Variants in DMD observed in about 807,000 individuals in gnomAD.
DMD encodes the protein mutant dystrophin.
Under a neutral mutation model 330.1 loss-of-function variants are expected in DMD, and 63 were observed. The ratio of observed to expected loss-of-function variants is 0.19; its 90% confidence interval spans 0.16 to 0.24. DMD has a LOEUF of 0.24. Ranked by LOEUF, DMD falls within the 10% of genes least tolerant of loss-of-function variation. The probability of loss-of-function intolerance (pLI) is 1.00; values close to 1 mark genes in which losing one functional copy is unlikely to be tolerated. For synonymous variants in DMD, 1,223 were observed against 959.8 expected, an observed-to-expected ratio of 1.27 and a Z score of -5.07; for missense variants, 3,344 against 2,684.1, an observed-to-expected ratio of 1.25 and a Z score of -5.43.
intron 7 of DMD, among the ~76,000 whole-genome samples, chrX:32,768,456 C>A (rs2073246480): frequency 8.9e-6 from 1 of 112,065 alleles, no homozygotes; most frequent in African/African-American, 3.2e-5. Context: ...TCTGATCTAA[C>A]ACAAATTGAA....
At chrX:32,415,635 TG>T (rs2098163494) in intron 29 of DMD, among the ~76,000 whole-genome samples, 1 of 112,342 alleles carries the variant, frequency 8.9e-6, no homozygotes, top group South Asian at 3.6e-4. Flanking sequence ...GTTCCGCTGT[TG>T]TTTTAAAATG....
chrX:31,239,254 T>G (rs912130390), intron 63 of DMD, among the ~76,000 whole-genome samples: 14 of 112,272 alleles, frequency 1.2e-4, no homozygotes, highest in African/African-American at 3.9e-4. Context: ...GCTGAGAAAT[T>G]TAATGGTTAC....
At chrX:31,259,596 C>T (rs2050308581) in intron 63 of DMD, among the ~76,000 whole-genome samples, 1 of 111,822 alleles carries the variant, frequency 8.9e-6, no homozygotes, top group Non-Finnish European at 1.9e-5. Context: ...TAATATTACT[C>T]GAAATGTATT....
At chrX:31,276,167 G>A (rs1016633155) in intron 62 of DMD, among the ~76,000 whole-genome samples, 2 of 111,403 alleles carry the variant, frequency 1.8e-5, no homozygotes, top group African/African-American at 6.5e-5. Flanking sequence ...AGCAATTCTC[G>A]TGCCTCAGCC....
At chrX:32,396,613 C>CT (rs201693489) in intron 30 of DMD, among the ~76,000 whole-genome samples, 7,069 of 109,656 alleles carry the variant, frequency 0.064, 227 homozygotes, top group Non-Finnish European at 0.099. Context: ...TATCCTTTTG[C>CT]TTTTTTTTGC....
At chrX:32,749,630 C>CA (rs1569507734) in intron 7 of DMD, among the ~76,000 whole-genome samples, 1 of 112,572 alleles carries the variant, frequency 8.9e-6, no homozygotes, top group Non-Finnish European at 1.9e-5. Context: ...TTCAATATTT[C>CA]AAGTTCTTAA....
chrX:31,126,740 A>C, intron 77 of DMD, 67 bp from the exon 78 acceptor site: 1 of 825,432 alleles, frequency 1.2e-6, no homozygotes, highest in Non-Finnish European at 1.8e-6. Context: ...ATAAATATAC[A>C]ATTTCATACC....
intron 3 of DMD, among the ~76,000 whole-genome samples, chrX:32,847,771 A>T (rs766440616): frequency 1.8e-5 from 2 of 112,034 alleles, no homozygotes; most frequent in Non-Finnish European, 3.8e-5. Flanking sequence ...AATCTCATGG[A>T]TATTTTGTTT....
At chrX:31,668,506 A>G (rs1335039320) in intron 53 of DMD, among the ~76,000 whole-genome samples, 3 of 111,128 alleles carry the variant, frequency 2.7e-5, no homozygotes, top group Admixed American at 9.6e-5. Context: ...ATAATTATAT[A>G]CATTTATGGG....
intron 1 of DMD, among the ~76,000 whole-genome samples, chrX:33,068,582 T>C (rs994213916): frequency 3.6e-5 from 4 of 112,524 alleles, no homozygotes; most frequent in Non-Finnish European, 5.6e-5. Flanking sequence ...TGCGTAGATA[T>C]GTGCTTATGT....
intron 7 of DMD, among the ~76,000 whole-genome samples, chrX:32,778,177 G>A (rs1259881912): frequency 9.4e-6 from 1 of 106,069 alleles, no homozygotes; most frequent in East Asian, 3.0e-4. Context: ...AAGCGTAGAG[G>A]ATAATATTCC....
intron 60 of DMD, among the ~76,000 whole-genome samples, chrX:31,363,537 C>T (rs765458652): frequency 1.0e-4 from 11 of 109,705 alleles, no homozygotes; most frequent in Non-Finnish European, 1.7e-4. Context: ...TGCACCACCA[C>T]GCCTGGCTAA....
Position 31,523,730 on chromosome X carries a change from C to T in DMD, c.8218-16277G>A, listed in dbSNP as rs763815603. ...TGGAAGGACGGAGCAGTTTGCACCTCGGGGAAAGCGGAGGTAGGGCTCTAG... is the reference window on the plus strand; with the variant it reads ...TGGAAGGACGGAGCAGTTTGCACCTTGGGGAAAGCGGAGGTAGGGCTCTAG... On this transcript the variant is annotated intron_variant, in intron 55 of 78. Transcript: ENST00000357033. Among the ~76,000 whole-genome samples, 15 of 112,018 alleles carry T rather than the reference C, an allele frequency of 1.3e-4. No homozygotes were observed. The South Asian group carries it at 3.4e-3, about 25-fold the overall frequency.
chrX:31,706,530 C>G (rs1212919355), intron 52 of DMD, among the ~76,000 whole-genome samples: 1 of 106,403 alleles, frequency 9.4e-6, no homozygotes, highest in Admixed American at 1.0e-4. Flanking sequence ...CCTCTCCTCT[C>G]TTTCATAATC....
At chrX:32,238,478 A>G (rs2097196403) in intron 43 of DMD, among the ~76,000 whole-genome samples, 1 of 111,162 alleles carries the variant, frequency 9.0e-6, no homozygotes, top group Non-Finnish European at 1.9e-5. Flanking sequence ...AGAGAGAAAG[A>G]GAGACACAGA....
chrX:31,427,651 T>G (rs2063788593), intron 60 of DMD, among the ~76,000 whole-genome samples: 1 of 111,991 alleles, frequency 8.9e-6, no homozygotes, highest in African/African-American at 3.2e-5. Context: ...AAATGTTTAG[T>G]TTTTGCAGTG....
At chrX:32,801,952 A>G (rs1868849671) in intron 7 of DMD, among the ~76,000 whole-genome samples, 1 of 111,905 alleles carries the variant, frequency 8.9e-6, no homozygotes, top group South Asian at 3.7e-4. Flanking sequence ...TGATGCCTCC[A>G]GCTTTGTTAT....
chrX:32,692,751 T>C (rs12860710), intron 9 of DMD, among the ~76,000 whole-genome samples: 1 of 111,901 alleles, frequency 8.9e-6, no homozygotes, highest in Non-Finnish European at 1.9e-5. Context: ...TAAATCAGAA[T>C]CCAGGCTATC....
chrX:33,205,540 C>A (rs941441601), intron 1 of DMD, among the ~76,000 whole-genome samples: 1 of 111,854 alleles, frequency 8.9e-6, no homozygotes, highest in African/African-American at 3.3e-5. Context: ...AAGTTGAGTG[C>A]AAATAAAGAT....
Sources: allele counts gnomAD v4.1 joint callset (sites outside exome capture counted in the v4.1 genomes callset), GRCh38; gene constraint gnomAD v4.1.1; transcripts MANE v1.5; gene names NCBI Gene and HGNC (gene_info 2026-07-23, HGNC 2026-07-21).